The following SYNE1 variants were observed in gnomAD, a reference collection of about 807,000 sequenced individuals.
SYNE1 encodes the protein spectrin repeat containing nuclear envelope protein 1, also known as nesprin-1.
SYNE1 carries 616 observed loss-of-function variants against 1,111.0 expected under a neutral mutation model. The ratio of observed to expected loss-of-function variants is 0.55; its 90% CI spans 0.52 to 0.59. The LOEUF (loss-of-function observed/expected upper bound fraction) is 0.59, where lower values mean the gene tolerates loss of function less well. SYNE1 is among the 20% of genes least tolerant of loss of function. The pLI is 0.00. For synonymous variants in SYNE1, 3,855 were observed against 3,825.8 expected (o/e 1.01, Z -0.28); for missense variants, 10,006 against 10,417.0 (o/e 0.96, Z 1.72).
Position 152,510,380 on chromosome 6 carries a change from G to A in SYNE1, c.403-9C>T, listed in dbSNP as rs1170159310. ...CTGGTCAACTCTTCAATCTGTTTGT[G>A]AGTTAACAGCCAGCAAAAATATAAG... On this transcript the variant is annotated splice_polypyrimidine_tract_variant and intron_variant, in intron 7 of 145. Coordinates refer to ENST00000367255, the MANE Select transcript of SYNE1 (RefSeq NM_182961.4). The A allele has an allele frequency of 6.2e-6, 10 of 1,613,252 alleles. No individual in the cohort carries two copies. Among genetic ancestry groups the A allele is most frequent in the Non-Finnish European group, 8.5e-6 (10 of 1,179,744 alleles).
chr6:152,127,698 G>T (rs937486483), intron 145 of SYNE1: 2 of 152,180 alleles, frequency 1.3e-5, no homozygotes, highest in Admixed American at 6.5e-5. Context: ...ATCTGCCTTA[G>T]AGGGGAGAGG....
At chr6:152,231,957 A>C (rs2153516481) in intron 113 of SYNE1, among the ~76,000 whole-genome samples, 159 bp downstream of exon 113, 1 of 152,234 alleles carries the variant, frequency 6.6e-6, no homozygotes, top group Non-Finnish European at 1.5e-5. Context: ...TCTTATTTCT[A>C]TAACTGATAA....
At chr6:152,418,886 A>G (rs1343795855) in intron 40 of SYNE1, among the ~76,000 whole-genome samples, 1 of 152,138 alleles carries the variant, frequency 6.6e-6, no homozygotes, top group Non-Finnish European at 1.5e-5. Context: ...TTCACAGTGC[A>G]TTTCCTCCCC....
At chr6:152,151,237 A>AC (rs2060361501) in intron 135 of SYNE1, among the ~76,000 whole-genome samples, 1 of 151,742 alleles carries the variant, frequency 6.6e-6, no homozygotes, top group African/African-American at 2.4e-5. Context: ...AAAAAAAACA[A>AC]AACAACAACA....
chr6:152,418,787 A>T (rs896152113), intron 40 of SYNE1, among the ~76,000 whole-genome samples: 2 of 152,178 alleles, frequency 1.3e-5, no homozygotes, highest in African/African-American at 4.8e-5. Context: ...CTGACATCTC[A>T]CTTGGAAAGA....
At chr6:152,421,298 G>C (rs543896837) in intron 39 of SYNE1, among the ~76,000 whole-genome samples, 19 of 152,290 alleles carry the variant, frequency 1.2e-4, no homozygotes, top group African/African-American at 4.3e-4. Flanking sequence ...TTAATGTTGA[G>C]AGACTTTTGA....
intron 3 of SYNE1, among the ~76,000 whole-genome samples, chr6:152,614,683 C>T (rs1047238048): frequency 4.5e-4 from 68 of 152,242 alleles, no homozygotes; most frequent in African/African-American, 4.6e-4. Flanking sequence ...CACATGCACA[C>T]GTATGTTTAT....
rs1301247304 is a variant in SYNE1 at position 152,249,184 on chromosome 6, G to A, written c.19549C>T (p.Gln6517Ter). The change falls in exon 105 of 146, where the codon CAG becomes TAG. Residue 6517 changes from glutamine to a stop codon, truncating the protein, a stop_gained. Transcript: ENST00000367255. LOFTEE classifies it high-confidence loss of function. ...ACCTCTATTTGTTCTGCTACGGGCT[G>A]TTCAAACACATTTGCCAGTTTTTGC... ...ILQKLANVFE[Q>*]PVAEQIEAIQ... The A allele has an allele frequency of 1.9e-6, 3 of 1,613,634 alleles. No individual in the cohort carries two copies. Among genetic ancestry groups the A allele is most frequent in the South Asian group, 1.1e-5 (1 of 91,074 alleles).
At chr6:152,464,969 A>G (rs1399508048) in intron 18 of SYNE1, 2 of 457,746 alleles carry the variant, frequency 4.4e-6, no homozygotes, top group Non-Finnish European at 8.0e-6. Flanking sequence ...TTAAATCAGG[A>G]AATCCATGAA....
At chr6:152,287,087 T>C (rs35316375) in intron 95 of SYNE1, among the ~76,000 whole-genome samples, 1 of 152,238 alleles carries the variant, frequency 6.6e-6, no homozygotes, top group African/African-American at 2.4e-5. Flanking sequence ...CCAAGCAGCA[T>C]TTGATTTAAT....
At chr6:152,572,342 G>C (rs536662499) in intron 3 of SYNE1, among the ~76,000 whole-genome samples, 1 of 152,236 alleles carries the variant, frequency 6.6e-6, no homozygotes, top group African/African-American at 2.4e-5. Flanking sequence ...TTAATTACAT[G>C]TATCCAAAAT....
At chr6:152,587,649 C>CT (rs1455523146) in intron 3 of SYNE1, among the ~76,000 whole-genome samples, 1 of 152,212 alleles carries the variant, frequency 6.6e-6, no homozygotes. Flanking sequence ...AATCTCTTCT[C>CT]TTTCCCCTTC....
At position 152,353,250 on chromosome 6, in the gene SYNE1, T is replaced by C; in HGVS notation, c.11253+13A>G. On this transcript the variant is annotated intron_variant, in intron 69 of 145. Coordinates refer to ENST00000367255, the MANE Select transcript of SYNE1 (RefSeq NM_182961.4). ...GGAAAGGTTGGATACAAATCTGAAG[T>C]ATGCGTGCCTACCTCCAACGTCTTC... is the stretch of plus-strand genomic sequence containing the variant. 2 of 1,614,108 alleles carry C rather than the reference T, an allele frequency of 1.2e-6. No individual in the cohort carries two copies. The highest frequency in any genetic ancestry group is 1.7e-6 in the Non-Finnish European group (2 of 1,180,020).
At chr6:152,157,161 A>G (rs568435754) in intron 131 of SYNE1, among the ~76,000 whole-genome samples, 1 of 152,286 alleles carries the variant, frequency 6.6e-6, no homozygotes, top group South Asian at 2.1e-4. Context: ...TAATTCCACC[A>G]TCATTAAAAG....
At chr6:152,430,366 A>G in intron 35 of SYNE1, 116 bp downstream of exon 35, 1 of 1,160,488 alleles carries the variant, frequency 8.6e-7, no homozygotes, top group Non-Finnish European at 1.3e-6. Flanking sequence ...AACATGTCCC[A>G]TTATTTCACA....
At chr6:152,568,789 A>G (rs1187697249) in intron 3 of SYNE1, among the ~76,000 whole-genome samples, 1 of 152,222 alleles carries the variant, frequency 6.6e-6, no homozygotes, top group Non-Finnish European at 1.5e-5. Flanking sequence ...TTTAAATAAA[A>G]TCAATGAGAA....
At chr6:152,420,232 C>A (rs931245380) in intron 39 of SYNE1, among the ~76,000 whole-genome samples, 6 of 152,120 alleles carry the variant, frequency 3.9e-5, no homozygotes, top group African/African-American at 1.4e-4. Flanking sequence ...CCAAAATTTG[C>A]TTTTTCTTTA....
At chr6:152,190,486 G>A (rs1360575101) in intron 127 of SYNE1, among the ~76,000 whole-genome samples, 1 of 152,122 alleles carries the variant, frequency 6.6e-6, no homozygotes. Flanking sequence ...CATAGTAGGT[G>A]TACATATATA....
At chr6:152,399,541 C>T in intron 48 of SYNE1, 75 bp downstream of exon 48, 3 of 1,561,964 alleles carry the variant, frequency 1.9e-6, no homozygotes, top group Non-Finnish European at 2.6e-6. Flanking sequence ...CTTTTGCTGG[C>T]AGTTTCTAGG....
Sources: gnomAD v4.1 joint callset for allele counts (sites outside exome capture counted in the v4.1 genomes callset) on GRCh38, gnomAD v4.1.1 for gene constraint, MANE v1.5 for transcripts, NCBI Gene and HGNC (gene_info 2026-07-23, HGNC 2026-07-21) for gene names.